BACE2: variants seen among roughly 807,000 people sequenced by gnomAD.
BACE2 encodes the protein beta-secretase 2, also known as 56 kDa aspartic-like protease.
In BACE2, 17 loss-of-function variants were observed where a neutral mutation model predicts 46.2. The observed-to-expected ratio is 0.37, with a 90% CI of 0.25 to 0.55. The LOEUF (loss-of-function observed/expected upper bound fraction) is 0.55, where lower values mean the gene tolerates loss of function less well. Ranked by LOEUF, BACE2 falls within the 20% of genes least tolerant of loss-of-function variation. The pLI is 0.82. For missense variants in BACE2, 595 were observed against 698.1 expected (o/e 0.85, Z 1.66); for synonymous variants, 277 against 295.9 (o/e 0.94, Z 0.66).
At chr21:41,182,607 T>G (rs1985178226) in intron 1 of BACE2, 1 of 166,912 alleles carries the variant, frequency 6.0e-6, no homozygotes, top group Non-Finnish European at 1.5e-5. Flanking sequence ...GACAAATCAG[T>G]TTTACAACCC....
At chr21:41,174,165 A>T (rs1429343066) in intron 1 of BACE2, among the ~76,000 whole-genome samples, 15 of 36,160 alleles carry the variant, frequency 4.1e-4, no homozygotes, top group East Asian at 2.9e-3. Flanking sequence ...TTTTTTTTTT[A>T]AACAGTCTCG....
intron 1 of BACE2, among the ~76,000 whole-genome samples, chr21:41,209,695 C>T (rs1284395676): frequency 1.3e-5 from 2 of 152,098 alleles, no homozygotes; most frequent in Admixed American, 6.5e-5. Context: ...GGTGGCAACC[C>T]TCAGATTCTG....
chr21:41,172,898 G>T (rs1984655423), intron 1 of BACE2, among the ~76,000 whole-genome samples: 1 of 152,186 alleles, frequency 6.6e-6, no homozygotes, highest in African/African-American at 2.4e-5. Flanking sequence ...GAGGCTCTGG[G>T]GGAGGATCCT....
chr21:41,262,636 T>C (rs1987969497), intron 8 of BACE2, among the ~76,000 whole-genome samples: 2 of 152,152 alleles, frequency 1.3e-5, no homozygotes, highest in African/African-American at 4.8e-5. Context: ...ATATCAAGTT[T>C]CCCCTATGAA....
intron 1 of BACE2, among the ~76,000 whole-genome samples, chr21:41,197,988 A>ATTTATT (rs1416979300): frequency 6.6e-6 from 1 of 152,082 alleles, no homozygotes. Flanking sequence ...ACTCAAAAAT[A>ATTTATT]TTTATTTTTA....
At chr21:41,266,342 TA>T (rs1988066772) in intron 8 of BACE2, among the ~76,000 whole-genome samples, 1 of 152,236 alleles carries the variant, frequency 6.6e-6, no homozygotes, top group Non-Finnish European at 1.5e-5. Context: ...TGCTCTCTCA[TA>T]GTAGACTTTT....
At chr21:41,206,026 C>T (rs1242344797) in intron 1 of BACE2, among the ~76,000 whole-genome samples, 1 of 152,218 alleles carries the variant, frequency 6.6e-6, no homozygotes, top group Admixed American at 6.5e-5. Flanking sequence ...GTGGAAACAA[C>T]ACAAGTGTCT....
intron 8 of BACE2, among the ~76,000 whole-genome samples, chr21:41,259,335 TG>T (rs911018120): frequency 2.6e-5 from 4 of 152,200 alleles, no homozygotes; most frequent in Middle Eastern, 3.2e-3. Flanking sequence ...CCCTCTTCCA[TG>T]TGGATTGTTT....
At chr21:41,266,662 G>T (rs540016210) in intron 8 of BACE2, among the ~76,000 whole-genome samples, 1 of 152,154 alleles carries the variant, frequency 6.6e-6, no homozygotes, top group Non-Finnish European at 1.5e-5. Context: ...AGAATTTCCC[G>T]GCTCCTTTCA....
At position 41,250,976 on chromosome 21, in the gene BACE2, A is replaced by G. The variant is rs1987621243; in HGVS notation, c.1134+75A>G. 3 of 1,375,934 alleles carry G rather than the reference A, an allele frequency of 2.2e-6. No individual in the cohort carries two copies. In the South Asian group the frequency reaches 3.8e-5, roughly 17 times the overall value. The allele number at this position is 1,375,934 out of a possible 1,614,324, so 85.2% of individuals were successfully genotyped here. On this transcript the variant is annotated intron_variant, in intron 7 of 8. Coordinates refer to ENST00000330333, the MANE Select transcript of BACE2 (RefSeq NM_012105.5). ...GCACTCCATGCATGACACGTGTATT[A>G]GATGTCACACCTGCATTAGATCTCT...
intron 8 of BACE2, among the ~76,000 whole-genome samples, chr21:41,259,273 G>C (rs955263665): frequency 6.6e-6 from 1 of 151,930 alleles, no homozygotes; most frequent in Non-Finnish European, 1.5e-5. Flanking sequence ...TGAGCTTTTG[G>C]TATTTAAATG....
At chr21:41,176,106 A>G (rs1181460596) in intron 1 of BACE2, 1 of 152,212 alleles carries the variant, frequency 6.6e-6, no homozygotes, top group Non-Finnish European at 1.5e-5. Context: ...GTGACCTCAG[A>G]TTCCTTCTAG....
chr21:41,209,940 T>A (rs1350665656), intron 1 of BACE2, among the ~76,000 whole-genome samples: 1 of 152,164 alleles, frequency 6.6e-6, no homozygotes, highest in African/African-American at 2.4e-5. Flanking sequence ...TCCTTTCTAC[T>A]CTTCATAAGG....
intron 1 of BACE2, chr21:41,176,391 A>G (rs1363754899): frequency 6.6e-6 from 1 of 152,188 alleles, no homozygotes; most frequent in Non-Finnish European, 1.5e-5. Flanking sequence ...CTAGAAATAG[A>G]GATTCCCATA....
At chr21:41,205,127 G>C (rs999183677) in intron 1 of BACE2, among the ~76,000 whole-genome samples, 1 of 152,138 alleles carries the variant, frequency 6.6e-6, no homozygotes, top group South Asian at 2.1e-4. Context: ...ACTGTAAAAC[G>C]AAGATGAAAT....
chr21:41,273,409 C>G (rs1399717234), intron 8 of BACE2, among the ~76,000 whole-genome samples: 1 of 152,184 alleles, frequency 6.6e-6, no homozygotes, highest in Non-Finnish European at 1.5e-5. Context: ...ATTGCCAGAG[C>G]AGCCATTTCA....
chr21:41,193,680 A>G lies in BACE2; in HGVS notation c.312+25105A>G, dbSNP rs1020925327. On this transcript the variant is annotated intron_variant, in intron 1 of 8. Coordinates refer to ENST00000330333, the MANE Select transcript of BACE2 (RefSeq NM_012105.5). This position sits in a 1 kb window ranked among gnomAD's most constrained non-coding sequence, Gnocchi z 4.2. ...GTGGGGGTTCTGCCTGCTACTAAGC[A>G]TATCTATGCCAATTATGCATTCTGG... 1.3e-5 allele frequency among the ~76,000 whole-genome samples: 2 copies of G among 152,220 alleles called. No homozygotes were observed. Among genetic ancestry groups the G allele is most frequent in the Non-Finnish European group, 2.9e-5 (2 of 68,038 alleles).
chr21:41,241,717 A>G (rs1467229053), intron 3 of BACE2, 102 bp from the exon 4 acceptor site: 9 of 1,396,282 alleles, frequency 6.4e-6, no homozygotes, highest in Non-Finnish European at 5.9e-6. Context: ...AAAATTGAGT[A>G]TAAACACCAG....
chr21:41,238,072 A>G (rs1472751916), intron 3 of BACE2, among the ~76,000 whole-genome samples: 1 of 152,260 alleles, frequency 6.6e-6, no homozygotes, highest in African/African-American at 2.4e-5. Context: ...CACATTTATT[A>G]AATTCATACG....
Sources: allele counts gnomAD v4.1 joint callset (sites outside exome capture counted in the v4.1 genomes callset), GRCh38; gene constraint gnomAD v4.1.1; non-coding constraint Gnocchi (gnomAD v3.1); transcripts MANE v1.5; gene names NCBI Gene and HGNC (gene_info 2026-07-23, HGNC 2026-07-21).